The following ERCC6 variants were observed in gnomAD, a reference collection of about 807,000 sequenced individuals.
ERCC6 encodes DNA excision repair protein ERCC-6.
ERCC6 carries 116 observed loss-of-function variants against 158.7 expected under a neutral mutation model. The observed-to-expected ratio is 0.73, with a 90% CI of 0.63 to 0.85. The LOEUF (loss-of-function observed/expected upper bound fraction) is 0.85, where lower values mean the gene tolerates loss of function less well. Ranked by LOEUF, ERCC6 falls within the 40% of genes least tolerant of loss-of-function variation. ERCC6 has a pLI of 0.00. For synonymous variants in ERCC6, 678 were observed against 659.3 expected, an observed-to-expected ratio of 1.03 and a Z score of -0.43; for missense variants, 1,698 against 1,799.4, an observed-to-expected ratio of 0.94 and a Z score of 1.02.
chr10:49,518,302 C>G (rs569803631), intron 5 of ERCC6, among the ~76,000 whole-genome samples: 1 of 152,194 alleles, frequency 6.6e-6, no homozygotes, highest in African/African-American at 2.4e-5. Flanking sequence ...AATGCTTGTC[C>G]GAGTCTGCTG....
intron 18 of ERCC6, among the ~76,000 whole-genome samples, chr10:49,463,303 G>T (rs1227693406): frequency 6.6e-6 from 1 of 152,190 alleles, no homozygotes; most frequent in Non-Finnish European, 1.5e-5. Flanking sequence ...CCCATCACAT[G>T]AAGTCAGGTG....
chr10:49,508,204 G>A (rs1316803642), intron 5 of ERCC6, among the ~76,000 whole-genome samples: 1 of 152,128 alleles, frequency 6.6e-6, no homozygotes, highest in Non-Finnish European at 1.5e-5. Flanking sequence ...TTTACAGAAG[G>A]AGAAATAAAA....
intron 4 of ERCC6, among the ~76,000 whole-genome samples, chr10:49,526,085 TTATATTTA>T (rs1273185769): frequency 1.9e-4 from 24 of 128,834 alleles, no homozygotes; most frequent in Admixed American, 1.6e-4. Context: ...TTGGTTTTAT[TTATATTTA>T]TATATTTATA....
intron 4 of ERCC6, among the ~76,000 whole-genome samples, chr10:49,526,105 ATTTATATATTTT>A (rs1564443778): frequency 1.6e-3 from 162 of 100,082 alleles, no homozygotes; most frequent in African/African-American, 4.0e-3. Flanking sequence ...ATATTTATAT[ATTTATATATTTT>A]TATATATATA....
intron 18 of ERCC6, among the ~76,000 whole-genome samples, chr10:49,466,585 T>C (rs1319314216): frequency 6.6e-6 from 1 of 152,216 alleles, no homozygotes; most frequent in Non-Finnish European, 1.5e-5. Flanking sequence ...ACAATGAACA[T>C]AGCCGTCACC....
At chr10:49,448,595 A>C in the ERCC6 span, among the ~76,000 whole-genome samples, 1 of 152,236 alleles carries the variant, frequency 6.6e-6, no homozygotes, top group Non-Finnish European at 1.5e-5. Context: ...CCAAACCCCC[A>C]ACTTTTTAAC....
chr10:49,470,479 T>C lies in ERCC6; in HGVS notation c.3481A>G (p.Ser1161Gly). The change falls in exon 18 of 21, where the codon AGC (serine) becomes GGC (glycine). Residue 1161 changes from serine (S) to glycine (G), a missense_variant. Transcript: ENST00000355832. ...LGLSYKRERPSQAQTEAFWEN... is the reference protein window; with the variant it reads ...LGLSYKRERPGQAQTEAFWEN... The stretch of plus-strand genomic sequence containing the variant: ...CAAAAAGCTTCTGTTTGAGCCTGGC[T>C]GGGTCTTTCTCTTTTGTAAGAAAGA... 1.9e-6 allele frequency: 3 copies of C among 1,614,188 alleles called. No individual in the cohort carries two copies. Among genetic ancestry groups the C allele is most frequent in the South Asian group, 2.2e-5 (2 of 91,082 alleles).
intron 8 of ERCC6, among the ~76,000 whole-genome samples, chr10:49,485,397 T>C (rs756723239): frequency 6.6e-6 from 1 of 152,182 alleles, no homozygotes; most frequent in Non-Finnish European, 1.5e-5. Context: ...AAAAAGAAGA[T>C]TGTATGTGAT....
At chr10:49,468,516 G>A (rs1193789599) in intron 18 of ERCC6, among the ~76,000 whole-genome samples, 1 of 152,216 alleles carries the variant, frequency 6.6e-6, no homozygotes, top group African/African-American at 2.4e-5. Context: ...TGTTTCACAT[G>A]GAAGGGTAAA....
intron 8 of ERCC6, among the ~76,000 whole-genome samples, chr10:49,486,158 C>T (rs956095588): frequency 6.6e-6 from 1 of 152,052 alleles, no homozygotes; most frequent in African/African-American, 2.4e-5. Context: ...AAAGCAGGGC[C>T]CTTAGAGCTG....
chr10:49,521,738 C>A (rs59898389), intron 5 of ERCC6, among the ~76,000 whole-genome samples: 2 of 152,022 alleles, frequency 1.3e-5, no homozygotes, highest in Admixed American at 1.3e-4. Context: ...GGGGAATACA[C>A]GGTTTGAAAA....
At chr10:49,517,028 T>C (rs751032614) in intron 5 of ERCC6, 3 of 1,613,934 alleles carry the variant, frequency 1.9e-6, no homozygotes, top group Non-Finnish European at 2.5e-6. Context: ...CATTTTCAGG[T>C]GGTTGTATCA....
At chr10:49,518,813 G>C (rs537477641) in intron 5 of ERCC6, among the ~76,000 whole-genome samples, 203 of 152,272 alleles carry the variant, frequency 1.3e-3, no homozygotes, top group Non-Finnish European at 2.5e-3. Flanking sequence ...ATCTTCGCAG[G>C]AGATTATGTC....
At chr10:49,518,974 T>C (rs759507146) in intron 5 of ERCC6, among the ~76,000 whole-genome samples, 1 of 152,194 alleles carries the variant, frequency 6.6e-6, no homozygotes, top group Admixed American at 6.5e-5. Flanking sequence ...AAACCAATTA[T>C]ATCAACAGGC....
downstream of ERCC6, among the ~76,000 whole-genome samples, chr10:49,451,531 TAG>T (rs1850420350): frequency 6.6e-6 from 1 of 152,328 alleles, no homozygotes; most frequent in East Asian, 1.9e-4. Flanking sequence ...TTTGCATCAG[TAG>T]AGATGACTTT....
chr10:49,491,292 T>C (rs940545676), intron 8 of ERCC6, among the ~76,000 whole-genome samples: 2 of 152,228 alleles, frequency 1.3e-5, no homozygotes, highest in Non-Finnish European at 1.5e-5. Context: ...TTTTTGATCT[T>C]TTGCCTAACA....
intron 5 of ERCC6, chr10:49,517,003 A>AG: frequency 6.2e-7 from 1 of 1,614,032 alleles, no homozygotes; most frequent in South Asian, 1.1e-5. Context: ...TCCTCATCAG[A>AG]AACAGGTGCT....
chr10:49,524,796 T>C lies in ERCC6; in HGVS notation c.653-19A>G, dbSNP rs751912103. 11 of 1,599,372 alleles carry C rather than the reference T, an allele frequency of 6.9e-6. No individual in the cohort carries two copies. The East Asian group carries it at 1.8e-4, about 26-fold the overall frequency. ...CCCGGCTCTGAAAGAACAATAGCAA[T>C]GCGTTTCGCACTAGCATGAAACTTT... On this transcript the variant is annotated intron_variant, in intron 4 of 20. Transcript: ENST00000355832.
At chr10:49,461,860 G>A (rs981949129) in intron 18 of ERCC6, among the ~76,000 whole-genome samples, 1 of 152,164 alleles carries the variant, frequency 6.6e-6, no homozygotes, top group Non-Finnish European at 1.5e-5. Flanking sequence ...CCCAAGCAAT[G>A]TGTAAAGCCT....
Sources: allele counts gnomAD v4.1 joint callset (sites outside exome capture counted in the v4.1 genomes callset), GRCh38; gene constraint gnomAD v4.1.1; transcripts MANE v1.5; gene names NCBI Gene and HGNC (gene_info 2026-07-23, HGNC 2026-07-21).